Variants in COL1A1 observed in about 807,000 individuals in gnomAD.
COL1A1 encodes collagen alpha-1(I) chain.
Under a neutral mutation model 195.7 loss-of-function variants are expected in COL1A1, and 21 were observed. That is an observed-to-expected ratio of 0.11 (90% CI 0.08 to 0.15). COL1A1 has a LOEUF of 0.15. Among genes scored for constraint, COL1A1 ranks in the 10% least tolerant of loss-of-function variants. The pLI is 1.00. For missense variants in COL1A1, 1,365 were observed against 2,051.0 expected, an observed-to-expected ratio of 0.67 and a Z score of 6.46; for synonymous variants, 749 against 747.3, an observed-to-expected ratio of 1.00 and a Z score of -0.04.
At position 50,194,870 on chromosome 17, in the gene COL1A1, C is replaced by T. The variant is rs374046227; in HGVS notation, c.1354-42G>A. 9.0e-6 allele frequency: 14 copies of T among 1,557,918 alleles called. No individual in the cohort carries two copies. The highest frequency in any genetic ancestry group is 1.2e-5 in the Non-Finnish European group (14 of 1,143,304). On this transcript the variant is annotated intron_variant, in intron 20 of 50. Transcript: ENST00000225964. The surrounding 1 kb of genome is among the most constrained non-coding windows in gnomAD (Gnocchi z 6.8). ...GGAGGAGGCGGCCTGTGGTGAGGGGCCATCCTGTGCCAGCCTCAGAGCCGG... is the reference window on the plus strand; with the variant it reads ...GGAGGAGGCGGCCTGTGGTGAGGGGTCATCCTGTGCCAGCCTCAGAGCCGG...
At chr17:50,187,840 C>G in intron 45 of COL1A1, 36 bp downstream of exon 45, 2 of 1,535,000 alleles carry the variant, frequency 1.3e-6, no homozygotes, top group Non-Finnish European at 1.8e-6. Context: ...TCCCACAGCA[C>G]AGCATGGGGA....
chr17:50,185,534 C>T lies in COL1A1; in HGVS notation c.4363G>A (p.Gly1455Ser), dbSNP rs961105065. 9 of 1,612,566 alleles carry T rather than the reference C, an allele frequency of 5.6e-6. No individual in the cohort carries two copies. The highest frequency in any genetic ancestry group is 2.2e-5 in the South Asian group (2 of 91,026). Reference sequence around the variant, plus strand: ...AAGCAGACAGGGCCAACGTCGAAGCCGAATTCCTGGTCTGGGGCACCAACG... The same window carrying T: ...AAGCAGACAGGGCCAACGTCGAAGCTGAATTCCTGGTCTGGGGCACCAACG... Reference protein sequence around the residue: ...LDVGAPDQEFGFDVGPVCFL With the variant: ...LDVGAPDQEFSFDVGPVCFL The change falls in exon 51 of 51, where the codon GGC becomes AGC. Residue 1455 changes from glycine (G) to serine (S), a missense_variant. By Grantham distance (56) the Gly-to-Ser change is moderately conservative. Around this residue, in one of 5 missense-constraint regions of COL1A1, gnomAD observed 273 missense variants for 338.6 expected, o/e 0.81. Transcript: ENST00000225964.
chr17:50,197,385 T>A, intron 9 of COL1A1, 152 bp from the exon 10 acceptor site: 1 of 796,206 alleles, frequency 1.3e-6, no homozygotes, highest in East Asian at 2.7e-5. Context: ...TCAGTTTAAA[T>A]CTACAGTGAA....
Position 50,194,893 on chromosome 17 carries a change from C to T in COL1A1, c.1354-65G>A, listed in dbSNP as rs921851117. The T allele has an allele frequency of 2.5e-5, 38 of 1,530,614 alleles. No individual in the cohort carries two copies. Among genetic ancestry groups the T allele is most frequent in the South Asian group, 5.6e-5 (5 of 88,560 alleles). 94.8% of individuals were successfully genotyped at this position (1,530,614 alleles called of 1,614,324 possible). A position where few individuals can be genotyped will look rare whatever the true frequency, so the allele number is the denominator to read the frequency against. On this transcript the variant is annotated intron_variant, in intron 20 of 50. Coordinates refer to ENST00000225964, the MANE Select transcript of COL1A1 (RefSeq NM_000088.4). This position sits in a 1 kb window ranked among gnomAD's most constrained non-coding sequence, Gnocchi z 6.8. ...GGCCATCCTGTGCCAGCCTCAGAGC[C>T]GGCTGAGGCTGGGCCTCCAGTGTCA...
Position 50,190,855 on chromosome 17 carries a change from T to C in COL1A1, c.2305A>G (p.Ile769Val). ...KDGVRGLTGP[I>V]GPPGPAGAPG... ...GCACCAGCAGGGCCAGGAGGACCAA[T>C]GGGGCCAGTCAGACCACGGACGCCA... Residue 769 changes from isoleucine (I) to valine (V), a missense_variant, in exon 33 of 51, where the codon ATT becomes GTT. Ile to Val is a conservative substitution (Grantham distance 29). Coordinates refer to ENST00000225964, the MANE Select transcript of COL1A1 (RefSeq NM_000088.4). This position sits in a 1 kb window ranked among gnomAD's most constrained non-coding sequence, Gnocchi z 4.7. 1 of 1,613,650 alleles carries C rather than the reference T, an allele frequency of 6.2e-7. No individual in the cohort carries two copies. The highest frequency in any genetic ancestry group is 8.5e-7 in the Non-Finnish European group (1 of 1,179,756).
Position 50,194,921 on chromosome 17 carries a change from G to C in COL1A1, c.1354-93C>G, listed in dbSNP as rs987146158. The stretch of plus-strand genomic sequence containing the variant: ...CTGAGGCTGGGCCTCCAGTGTCAGG[G>C]GTTCCTGGGGGTGTGGCAGGGACTC... On this transcript the variant is annotated intron_variant, in intron 20 of 50. Coordinates refer to ENST00000225964, the MANE Select transcript of COL1A1 (RefSeq NM_000088.4). This position sits in a 1 kb window ranked among gnomAD's most constrained non-coding sequence, Gnocchi z 6.8. 1.3e-5 allele frequency: 19 copies of C among 1,475,516 alleles called. No individual in the cohort carries two copies. In the African/African-American group the frequency reaches 2.4e-4, roughly 18 times the overall value. 91.4% of individuals were successfully genotyped at this position (1,475,516 alleles called of 1,614,324 possible).
chr17:50,188,511 C>T lies in COL1A1; in HGVS notation c.3207+19G>A. On this transcript the variant is annotated intron_variant, in intron 43 of 50. Transcript: ENST00000225964. The surrounding 1 kb of genome is among the most constrained non-coding windows in gnomAD (Gnocchi z 5.6). ...CCCTGGCCTGACCAGGTACAGGGAA[C>T]TGGAGCCCAGCTACTTACAGTCTCA... 6.2e-7 allele frequency: 1 copy of T among 1,612,100 alleles called. No homozygotes were observed.
Position 50,199,213 on chromosome 17 carries a change from C to CCTCT in COL1A1, c.471+9_471+12dup. On this transcript the variant is annotated intron_variant, in intron 5 of 50. Coordinates refer to ENST00000225964, the MANE Select transcript of COL1A1 (RefSeq NM_000088.4). Reference sequence around the variant, plus strand: ...AACAGGGGAGAGTGGACACACAAGGCCTCTCCACTTACTCCTCCGAGGCCA... The same window carrying CCTCT: ...AACAGGGGAGAGTGGACACACAAGGCCTCTCTCTCCACTTACTCCTCCGAGGCCA... The CCTCT allele has an allele frequency of 6.9e-7, 1 of 1,452,922 alleles. No individual in the cohort carries two copies. Among genetic ancestry groups the CCTCT allele is most frequent in the Non-Finnish European group, 9.1e-7 (1 of 1,100,158 alleles). 90.0% of individuals were successfully genotyped at this position (1,452,922 alleles called of 1,614,324 possible). A position where few individuals can be genotyped will look rare whatever the true frequency, so the allele number is the denominator to read the frequency against.
At position 50,199,302 on chromosome 17, in the gene COL1A1, T is replaced by C. The variant is rs746847841; in HGVS notation, c.395A>G (p.Asp132Gly). The C allele has an allele frequency of 1.1e-5, 17 of 1,540,836 alleles. No homozygotes were observed. The highest frequency in any genetic ancestry group is 5.9e-5 in the Admixed American group (3 of 50,880). ...AAGTCCAGGCTGTCCAGGGATGCCA[T>C]CTCGGCCAGGGGGGCCTGCGGGTCC... The part of the protein sequence containing the change: ...PRGPAGPPGR[D>G]GIPGQPGLPG... Residue 132 changes from aspartate (D) to glycine (G), a missense_variant, in exon 5 of 51, where the codon GAT (aspartate) becomes GGT (glycine). By Grantham distance (94) the Asp-to-Gly change is moderately conservative. Around this residue, in one of 5 missense-constraint regions of COL1A1, gnomAD observed 194 missense variants for 221.7 expected, o/e 0.88. Coordinates refer to ENST00000225964, the MANE Select transcript of COL1A1 (RefSeq NM_000088.4).
rs1407909068 is a variant in COL1A1 at position 50,201,626 on chromosome 17, G to T, written c.-113C>A. ...GCTCCGACCCCGAGGAGAAACTCCC[G>T]TCTGCTCCGACGACTGGCCCGGGCC... On this transcript the variant is annotated 5_prime_UTR_variant, in exon 1 of 51. Coordinates refer to ENST00000225964, the MANE Select transcript of COL1A1 (RefSeq NM_000088.4). 1 of 906,656 alleles carries T rather than the reference G, an allele frequency of 1.1e-6. No homozygotes were observed. Among genetic ancestry groups the T allele is most frequent in the Non-Finnish European group, 1.6e-6 (1 of 606,098 alleles). 56.2% of individuals were successfully genotyped at this position (906,656 alleles called of 1,614,324 possible).
rs771503894 is a variant in COL1A1, at chr17:50,194,054, G to A, written c.1669-13C>T. 7 of 1,613,090 alleles carry A rather than the reference G, an allele frequency of 4.3e-6. No homozygotes were observed. The Admixed American group carries it at 1.0e-4, about 23-fold the overall frequency. On this transcript the variant is annotated splice_polypyrimidine_tract_variant and intron_variant, in intron 24 of 50. Coordinates refer to ENST00000225964, the MANE Select transcript of COL1A1 (RefSeq NM_000088.4). This position sits in a 1 kb window ranked among gnomAD's most constrained non-coding sequence, Gnocchi z 6.8. ...GACCGGCGGGACCCTAAGGATGGGA[G>A]GCACGAAAGCAGCAGTGAGGACAGC...
intron 29 of COL1A1, 61 bp downstream of exon 29, chr17:50,192,414 G>A: frequency 6.5e-7 from 1 of 1,529,196 alleles, no homozygotes; most frequent in Middle Eastern, 2.0e-4. Context: ...GCTAGGAGCG[G>A]GGGCCTGTCC....
Position 50,199,749 on chromosome 17 carries a change from G to T in COL1A1, c.298+4C>A, listed in dbSNP as rs369006429. 1.2e-6 allele frequency: 2 copies of T among 1,610,920 alleles called. No individual in the cohort carries two copies. Among genetic ancestry groups the T allele is most frequent in the East Asian group, 4.5e-5 (2 of 44,830 alleles). ...CAGGCCCCAGGCCCCGAGCGCAGCC[G>T]CACCTGAGCCGTCGGGGCAGACGGG... On this transcript the variant is annotated splice_donor_region_variant and intron_variant, in intron 2 of 50. Transcript: ENST00000225964.
rs1598296825 is a variant in COL1A1, at chr17:50,195,270, G to A, written c.1261C>T (p.Gln421Ter). ...GGACCAGGAGGGCCGCCGGGGCCCT[G>A]GGGTCCAGAGGGGCCTCGGGCACCA... is the stretch of plus-strand genomic sequence containing the variant. ...FPGARGPSGP[Q>*]GPGGPPGPKG... The change falls in exon 19 of 51, where the codon CAG becomes TAG. Residue 421 changes from glutamine (Q) to a stop codon, truncating the protein, a stop_gained. Transcript: ENST00000225964. LOFTEE classifies it high-confidence loss of function. This position sits in a 1 kb window ranked among gnomAD's most constrained non-coding sequence, Gnocchi z 4.3. 1 of 1,613,560 alleles carries A rather than the reference G, an allele frequency of 6.2e-7. No individual in the cohort carries two copies. Among genetic ancestry groups the A allele is most frequent in the Non-Finnish European group, 8.5e-7 (1 of 1,179,716 alleles).
chr17:50,195,271 G>C lies in COL1A1; in HGVS notation c.1260C>G (p.Pro420=). The stretch of plus-strand genomic sequence containing the variant: ...GACCAGGAGGGCCGCCGGGGCCCTG[G>C]GGTCCAGAGGGGCCTCGGGCACCAG... ...GFPGARGPSG[P]QGPGGPPGPK... is the part of the protein sequence containing the mutation. Residue 420 remains proline (P), a synonymous_variant, in exon 19 of 51, where the codon CCC becomes CCG. Transcript: ENST00000225964. The surrounding 1 kb of genome is among the most constrained non-coding windows in gnomAD (Gnocchi z 4.3). The C allele has an allele frequency of 6.2e-7, 1 of 1,613,582 alleles. No homozygotes were observed. The highest frequency in any genetic ancestry group is 8.5e-7 in the Non-Finnish European group (1 of 1,179,754).
Position 50,190,779 on chromosome 17 carries a change from A to G in COL1A1, c.2343+38T>C. The G allele has an allele frequency of 6.4e-7, 1 of 1,555,792 alleles. No individual in the cohort carries two copies. The highest frequency in any genetic ancestry group is 8.9e-7 in the Non-Finnish European group (1 of 1,127,358). On this transcript the variant is annotated intron_variant, in intron 33 of 50. Coordinates refer to ENST00000225964, the MANE Select transcript of COL1A1 (RefSeq NM_000088.4). The surrounding 1 kb of genome is among the most constrained non-coding windows in gnomAD (Gnocchi z 4.7). ...CGTGCCCAGGCCTGCTGAGGAGGCT[A>G]TGTGTTAGGGCAGAAGGTGGGGAGG...
Position 50,186,534 on chromosome 17 carries a change from TCAGGGAAAGGGAGCAGC to T in COL1A1, c.3815-44_3815-28del. The stretch of plus-strand genomic sequence containing the variant: ...TGTGGTAGGGCAGGGCAAGATGGAG[TCAGGGAAAGGGAGCAGC>T]CAGCACCATATGGTAGGGGCACATA... On this transcript the variant is annotated intron_variant, in intron 48 of 50. Coordinates refer to ENST00000225964, the MANE Select transcript of COL1A1 (RefSeq NM_000088.4). The surrounding 1 kb of genome is among the most constrained non-coding windows in gnomAD (Gnocchi z 5.3). The T allele has an allele frequency of 6.2e-7, 1 of 1,613,502 alleles. No homozygotes were observed. Among genetic ancestry groups the T allele is most frequent in the South Asian group, 1.1e-5 (1 of 91,032 alleles).
At chr17:50,192,411 G>T (rs1460646459) in intron 29 of COL1A1, 64 bp downstream of exon 29, 1 of 1,518,346 alleles carries the variant, frequency 6.6e-7, no homozygotes, top group Non-Finnish European at 9.0e-7. Flanking sequence ...TTAGCTAGGA[G>T]CGGGGGCCTG....
Position 50,188,687 on chromosome 17 carries a change from G to A in COL1A1, c.3100-50C>T, listed in dbSNP as rs1906782648. ...GGGTCAGCCCCGGGTGAAGGGCCAG[G>A]ATGGGGCAGGGAAGCAGCAGACAAG... On this transcript the variant is annotated intron_variant, in intron 42 of 50. Coordinates refer to ENST00000225964, the MANE Select transcript of COL1A1 (RefSeq NM_000088.4). The surrounding 1 kb of genome is among the most constrained non-coding windows in gnomAD (Gnocchi z 5.6). 2 of 1,613,294 alleles carry A rather than the reference G, an allele frequency of 1.2e-6. No homozygotes were observed. The highest frequency in any genetic ancestry group is 8.5e-7 in the Non-Finnish European group (1 of 1,179,302).
Sources: allele counts gnomAD v4.1 joint callset, GRCh38; gene constraint gnomAD v4.1.1; regional missense constraint gnomAD v4.1.1; non-coding constraint Gnocchi (gnomAD v3.1); transcripts MANE v1.5; gene names NCBI Gene and HGNC (gene_info 2026-07-23, HGNC 2026-07-21).